The following PTGER2 variants were observed in gnomAD, a reference collection of about 807,000 sequenced individuals.
The protein encoded by PTGER2 is prostaglandin E2 receptor EP2 subtype.
PTGER2 carries 22 observed loss-of-function variants against 26.2 expected under a neutral mutation model. The observed-to-expected ratio is 0.84, with a 90% CI of 0.60 to 1.20. The LOEUF (loss-of-function observed/expected upper bound fraction) is 1.20, where lower values mean the gene tolerates loss of function less well. PTGER2 is among the 50% of genes most tolerant of loss of function. PTGER2 has a pLI of 0.00. For synonymous variants in PTGER2, 219 were observed against 208.9 expected, an observed-to-expected ratio of 1.05 and a Z score of -0.42; for missense variants, 458 against 475.2, an observed-to-expected ratio of 0.96 and a Z score of 0.34.
chr14:52,319,730 TTC>T (rs1397684168), intron 1 of PTGER2, among the ~76,000 whole-genome samples: 1 of 152,242 alleles, frequency 6.6e-6, no homozygotes, highest in Non-Finnish European at 1.5e-5. Flanking sequence ...TGTGGATAGC[TTC>T]TGGCCATTTT....
In PTGER2 at chr14:52,314,650, C is replaced by T; in HGVS notation, c.102C>T (p.Ala34=). The part of the protein sequence containing the change: ...SPAISSVMFS[A]GVLGNLIALA... ...CCATCAGCTCCGTCATGTTCTCGGC[C>T]GGGGTGCTGGGGAACCTCATAGCAC... Residue 34 remains alanine, a synonymous_variant, in exon 1 of 2, where the codon GCC becomes GCT. Coordinates refer to ENST00000245457, the MANE Select transcript of PTGER2 (RefSeq NM_000956.4). This position sits in a 1 kb window ranked among gnomAD's most constrained non-coding sequence, Gnocchi z 5.7. 5 of 1,517,046 alleles carry T rather than the reference C, an allele frequency of 3.3e-6. No individual in the cohort carries two copies. The South Asian group carries it at 5.3e-5, about 16-fold the overall frequency. 94.0% of individuals were successfully genotyped at this position (1,517,046 alleles called of 1,614,324 possible). A position where few individuals can be genotyped will look rare whatever the true frequency, so the allele number is the denominator to read the frequency against.
chr14:52,314,525 C>T lies in PTGER2; in HGVS notation c.-24C>T, dbSNP rs2033811893. On this transcript the variant is annotated 5_prime_UTR_variant, in exon 1 of 2. Transcript: ENST00000245457. The surrounding 1 kb of genome is among the most constrained non-coding windows in gnomAD (Gnocchi z 5.7). ...AGGTAAAGGCCGGGAGAGGAGGGCGCATCTCTTTTCCAGGCACCCCACCAT... is the reference window on the plus strand; with the variant it reads ...AGGTAAAGGCCGGGAGAGGAGGGCGTATCTCTTTTCCAGGCACCCCACCAT... 2 of 1,470,074 alleles carry T rather than the reference C, an allele frequency of 1.4e-6. No individual in the cohort carries two copies. The highest frequency in any genetic ancestry group is 1.8e-6 in the Non-Finnish European group (2 of 1,111,856). 91.1% of individuals were successfully genotyped at this position (1,470,074 alleles called of 1,614,324 possible). A position where few individuals can be genotyped will look rare whatever the true frequency, so the allele number is the denominator to read the frequency against.
chr14:52,318,823 C>T (rs1306457424), intron 1 of PTGER2, among the ~76,000 whole-genome samples: 2 of 152,248 alleles, frequency 1.3e-5, no homozygotes, highest in East Asian at 3.9e-4. Flanking sequence ...TTTTTAAAGG[C>T]CCAGTCCCTT....
Position 52,314,769 on chromosome 14 carries a change from T to C in PTGER2, c.221T>C (p.Leu74Pro), listed in dbSNP as rs1217699431. 1 of 1,606,122 alleles carries C rather than the reference T, an allele frequency of 6.2e-7. No individual in the cohort carries two copies. The highest frequency in any genetic ancestry group is 8.5e-7 in the Non-Finnish European group (1 of 1,174,572). Reference protein sequence around the residue: ...LSLFHVLVTELVFTDLLGTCL... With the variant: ...LSLFHVLVTEPVFTDLLGTCL... ...TTGTTCCACGTGCTGGTGACCGAGC[T>C]GGTGTTCACCGACCTGCTCGGGACC... The change falls in exon 1 of 2, where the codon CTG becomes CCG. Residue 74 changes from leucine to proline, a missense_variant. Coordinates refer to ENST00000245457, the MANE Select transcript of PTGER2 (RefSeq NM_000956.4). This position sits in a 1 kb window ranked among gnomAD's most constrained non-coding sequence, Gnocchi z 5.7.
chr14:52,326,464 A>G (rs1354975534), intron 1 of PTGER2, among the ~76,000 whole-genome samples: 2 of 152,246 alleles, frequency 1.3e-5, no homozygotes, highest in Non-Finnish European at 2.9e-5. Context: ...TAGCTTACAC[A>G]TATCACTTCC....
At chr14:52,321,440 C>T (rs1233348891) in intron 1 of PTGER2, among the ~76,000 whole-genome samples, 1 of 152,166 alleles carries the variant, frequency 6.6e-6, no homozygotes, top group African/African-American at 2.4e-5. Context: ...GTTTTTCAGT[C>T]CATAAACAGG....
intron 1 of PTGER2, among the ~76,000 whole-genome samples, chr14:52,321,074 G>T (rs1445385861): frequency 6.6e-6 from 1 of 152,150 alleles, no homozygotes; most frequent in African/African-American, 2.4e-5. Context: ...CTTAGCATTT[G>T]CTCTTTTTTT....
chr14:52,319,326 A>G (rs1242152210), intron 1 of PTGER2, among the ~76,000 whole-genome samples: 2 of 152,210 alleles, frequency 1.3e-5, no homozygotes, highest in African/African-American at 2.4e-5. Flanking sequence ...AGATTCTAGG[A>G]GATTGGCTAA....
In PTGER2 at chr14:52,315,125, C is replaced by A; in HGVS notation, c.577C>A (p.Arg193=). Residue 193 remains arginine, a synonymous_variant, in exon 1 of 2, where the codon CGG becomes AGG. Coordinates refer to ENST00000245457, the MANE Select transcript of PTGER2 (RefSeq NM_000956.4). ...PGTWCFIRHG[R]TAYLQLYATL... is the part of the protein sequence containing the mutation. ...GACCTGGTGCTTCATCCGGCACGGG[C>A]GGACCGCTTACCTGCAGCTGTACGC... 1 of 1,609,586 alleles carries A rather than the reference C, an allele frequency of 6.2e-7. No homozygotes were observed.
intron 1 of PTGER2, among the ~76,000 whole-genome samples, chr14:52,323,097 C>T (rs371420779): frequency 5.9e-5 from 9 of 152,186 alleles, no homozygotes; most frequent in African/African-American, 9.7e-5. Context: ...TATTTGGGAA[C>T]GGATAAATGT....
intron 1 of PTGER2, among the ~76,000 whole-genome samples, chr14:52,324,867 A>T (rs896873919): frequency 6.6e-6 from 1 of 152,246 alleles, no homozygotes; most frequent in Middle Eastern, 3.4e-3. Flanking sequence ...GGCTGGGCGC[A>T]GTGGCTCACA....
chr14:52,316,833 G>C (rs1317420671), intron 1 of PTGER2, among the ~76,000 whole-genome samples: 1 of 152,190 alleles, frequency 6.6e-6, no homozygotes, highest in Non-Finnish European at 1.5e-5. Flanking sequence ...GAGGGAATGA[G>C]ATAGAATATT....
At chr14:52,327,105 A>G (rs1052200983) in intron 1 of PTGER2, 116 bp from the exon 2 acceptor site, 9 of 721,744 alleles carry the variant, frequency 1.2e-5, no homozygotes, top group African/African-American at 8.9e-5. Flanking sequence ...GTTCCCCACC[A>G]CTACCACAGA....
intron 1 of PTGER2, among the ~76,000 whole-genome samples, chr14:52,320,284 T>A (rs2033882114): frequency 6.6e-6 from 1 of 152,226 alleles, no homozygotes; most frequent in Non-Finnish European, 1.5e-5. Context: ...TTTGATATTA[T>A]GAATGCTGAT....
At chr14:52,326,462 A>T (rs1241053258) in intron 1 of PTGER2, among the ~76,000 whole-genome samples, 4 of 152,252 alleles carry the variant, frequency 2.6e-5, no homozygotes. Flanking sequence ...AGTAGCTTAC[A>T]CATATCACTT....
At chr14:52,323,438 G>A (rs933652242) in intron 1 of PTGER2, among the ~76,000 whole-genome samples, 8 of 152,178 alleles carry the variant, frequency 5.3e-5, no homozygotes, top group South Asian at 4.1e-4. Flanking sequence ...TTTTTTAGTA[G>A]AGATGTAGTT....
intron 1 of PTGER2, among the ~76,000 whole-genome samples, chr14:52,325,298 G>A (rs894875601): frequency 3.3e-5 from 5 of 152,182 alleles, no homozygotes; most frequent in East Asian, 1.9e-4. Context: ...ATTCTGTCAC[G>A]CTCTAAAGAC....
intron 1 of PTGER2, among the ~76,000 whole-genome samples, chr14:52,317,784 G>C (rs561646914): frequency 6.6e-6 from 1 of 152,296 alleles, no homozygotes; most frequent in African/African-American, 2.4e-5. Flanking sequence ...AACATAATCA[G>C]AAAGCCAGCC....
chr14:52,321,665 T>C (rs181666184), intron 1 of PTGER2, among the ~76,000 whole-genome samples: 8 of 152,348 alleles, frequency 5.3e-5, no homozygotes, highest in Admixed American at 1.3e-4. Flanking sequence ...CAGACTGTAA[T>C]TCTATGCAAA....
Sources: allele counts gnomAD v4.1 joint callset (sites outside exome capture counted in the v4.1 genomes callset), GRCh38; gene constraint gnomAD v4.1.1; non-coding constraint Gnocchi (gnomAD v3.1); transcripts MANE v1.5; gene names NCBI Gene and HGNC (gene_info 2026-07-23, HGNC 2026-07-21).